Variants in CAMTA1 observed in about 807,000 individuals in gnomAD.
CAMTA1 encodes calmodulin-binding transcription activator 1.
A neutral mutation model predicts 170.9 loss-of-function variants in CAMTA1; 27 were observed. The observed-to-expected ratio is 0.16, with a 90% CI of 0.12 to 0.22. CAMTA1 has a LOEUF of 0.22. Among genes scored for constraint, CAMTA1 ranks in the 10% least tolerant of loss-of-function variants. The pLI, the probability that CAMTA1 is intolerant of heterozygous loss-of-function variation, is 1.00. For missense variants in CAMTA1, 1,619 were observed against 2,217.2 expected, an observed-to-expected ratio of 0.73 and a Z score of 5.42; for synonymous variants, 833 against 891.5, an observed-to-expected ratio of 0.93 and a Z score of 1.17.
intron 6 of CAMTA1, among the ~76,000 whole-genome samples, chr1:7,572,154 T>C (rs1239633398): frequency 1.3e-5 from 2 of 152,266 alleles, no homozygotes; most frequent in East Asian, 3.8e-4. Flanking sequence ...AAGTGTTTGT[T>C]CATGTCCTTT....
rs942163810 is a variant in CAMTA1 at position 7,641,461 on chromosome 1, G to A, written c.664+908G>A. 3.3e-5 allele frequency among the ~76,000 whole-genome samples: 5 copies of A among 152,276 alleles called. No individual in the cohort carries two copies. Among genetic ancestry groups the A allele is most frequent in the East Asian group, 3.9e-4 (2 of 5,164 alleles). Reference sequence around the variant, plus strand: ...TGTTGGTCACCATATACAGCGGGGGGACTGAAATATTCTTTCTGCGGCTGG... The same window carrying A: ...TGTTGGTCACCATATACAGCGGGGGAACTGAAATATTCTTTCTGCGGCTGG... On this transcript the variant is annotated intron_variant, in intron 7 of 22. Coordinates refer to ENST00000303635, the MANE Select transcript of CAMTA1 (RefSeq NM_015215.4). The surrounding 1 kb of genome is among the most constrained non-coding windows in gnomAD (Gnocchi z 4.5).
rs952061581 is a variant in CAMTA1 at position 7,456,397 on chromosome 1, G to A, written c.439-11433G>A. Reference sequence around the variant, plus strand: ...AGGGCTCCAAGAAATAGGTCTCAGCGGTACATTTTGATGAAAGAGAGGGAA... The same window carrying A: ...AGGGCTCCAAGAAATAGGTCTCAGCAGTACATTTTGATGAAAGAGAGGGAA... On this transcript the variant is annotated intron_variant, in intron 5 of 22. Transcript: ENST00000303635. This position sits in a 1 kb window ranked among gnomAD's most constrained non-coding sequence, Gnocchi z 4.9. Among the ~76,000 whole-genome samples, 9 of 152,108 alleles carry A rather than the reference G, an allele frequency of 5.9e-5. No homozygotes were observed. Among genetic ancestry groups the A allele is most frequent in the East Asian group, 3.9e-4 (2 of 5,194 alleles).
chr1:7,553,993 T>G (rs539993190), intron 6 of CAMTA1, among the ~76,000 whole-genome samples: 1 of 152,306 alleles, frequency 6.6e-6, no homozygotes, highest in East Asian at 1.9e-4. Flanking sequence ...GGCCACAAAG[T>G]GATGGGTTCT....
intron 3 of CAMTA1, among the ~76,000 whole-genome samples, chr1:6,863,599 C>T (rs114336773): frequency 2.6e-5 from 4 of 152,302 alleles, no homozygotes; most frequent in African/African-American, 9.6e-5. Flanking sequence ...GCCTCCCAGG[C>T]GATCAAGTCA....
chr1:7,395,582 C>T (rs2149163666), intron 5 of CAMTA1, among the ~76,000 whole-genome samples: 1 of 152,116 alleles, frequency 6.6e-6, no homozygotes, highest in East Asian at 1.9e-4. Context: ...ATATGAATTT[C>T]CTGATTGTTT....
chr1:7,230,098 G>T (rs372986488), intron 4 of CAMTA1, among the ~76,000 whole-genome samples: 1 of 152,092 alleles, frequency 6.6e-6, no homozygotes, highest in Admixed American at 6.5e-5. Flanking sequence ...CCAGAAAGCC[G>T]GTTCCTAGGG....
chr1:7,531,746 A>C (rs2094494821), intron 6 of CAMTA1, among the ~76,000 whole-genome samples: 1 of 152,202 alleles, frequency 6.6e-6, no homozygotes, highest in Admixed American at 6.5e-5. Flanking sequence ...AGAGCTTCTG[A>C]GAACAGCATC....
At chr1:7,432,411 A>G (rs1411799164) in intron 5 of CAMTA1, among the ~76,000 whole-genome samples, 1 of 152,202 alleles carries the variant, frequency 6.6e-6, no homozygotes, top group African/African-American at 2.4e-5. Flanking sequence ...GGTGTTTAAC[A>G]TAATTTAGAG....
chr1:7,630,438 C>T (rs1223990848), intron 6 of CAMTA1, among the ~76,000 whole-genome samples: 4 of 152,236 alleles, frequency 2.6e-5, no homozygotes, highest in African/African-American at 9.6e-5. Flanking sequence ...GCAGGGCAAG[C>T]CAGCCCCTGA....
chr1:6,906,215 TGAGGGAG>T (rs1215504052), intron 3 of CAMTA1, among the ~76,000 whole-genome samples: 8 of 152,108 alleles, frequency 5.3e-5, no homozygotes, highest in Admixed American at 5.2e-4. Flanking sequence ...CCTGGCAAGA[TGAGGGAG>T]GAGGGAGAAG....
At chr1:7,747,921 T>TA in intron 19 of CAMTA1, 140 bp downstream of exon 19, 9 of 432,710 alleles carry the variant, frequency 2.1e-5, no homozygotes, top group South Asian at 7.5e-5. Flanking sequence ...TTTTTTTTTA[T>TA]TTTTTTTTTG....
intron 3 of CAMTA1, among the ~76,000 whole-genome samples, chr1:6,902,072 C>CAAAAAA (rs1553180442): frequency 1.2e-3 from 108 of 88,438 alleles, no homozygotes; most frequent in South Asian, 1.7e-3. Context: ...CACACACACA[C>CAAAAAA]AAAAAAAAAA....
chr1:7,505,797 G>C (rs1328140814), intron 6 of CAMTA1, among the ~76,000 whole-genome samples: 1 of 152,196 alleles, frequency 6.6e-6, no homozygotes, highest in Non-Finnish European at 1.5e-5. Flanking sequence ...GTCTGGGACG[G>C]TCTTGGGTGT....
intron 3 of CAMTA1, among the ~76,000 whole-genome samples, chr1:6,836,055 C>T (rs1419513945): frequency 1.3e-5 from 2 of 152,152 alleles, no homozygotes; most frequent in East Asian, 3.8e-4. Context: ...GCCTACCTGC[C>T]TGTCTACCTG....
chr1:7,118,772 G>A (rs1644482875), intron 4 of CAMTA1, among the ~76,000 whole-genome samples: 1 of 152,112 alleles, frequency 6.6e-6, no homozygotes, highest in South Asian at 2.1e-4. Flanking sequence ...ATATGGTTTG[G>A]TGGCACCAGA....
In CAMTA1 at chr1:7,067,867, T is replaced by C. The variant is rs1301389820; in HGVS notation, c.235-23437T>C. Reference sequence around the variant, plus strand: ...GATTGGTTTAGGGGCGGCCTGTAACTCAGTTATTGCCAGTGAGATGGCTAG... The same window carrying C: ...GATTGGTTTAGGGGCGGCCTGTAACCCAGTTATTGCCAGTGAGATGGCTAG... On this transcript the variant is annotated intron_variant, in intron 3 of 22. Transcript: ENST00000303635. The surrounding 1 kb of genome is among the most constrained non-coding windows in gnomAD (Gnocchi z 4.3). Among the ~76,000 whole-genome samples the C allele has an allele frequency of 6.6e-6, 1 of 152,182 alleles. No individual in the cohort carries two copies. The highest frequency in any genetic ancestry group is 1.5e-5 in the Non-Finnish European group (1 of 68,040).
intron 3 of CAMTA1, among the ~76,000 whole-genome samples, chr1:7,048,957 T>C (rs1309126778): frequency 6.6e-6 from 1 of 152,204 alleles, no homozygotes; most frequent in Non-Finnish European, 1.5e-5. Context: ...TAGTTTAAAA[T>C]TAAACTTACA....
chr1:7,133,419 A>G (rs1645373251), intron 4 of CAMTA1, among the ~76,000 whole-genome samples: 1 of 152,192 alleles, frequency 6.6e-6, no homozygotes, highest in African/African-American at 2.4e-5. Flanking sequence ...TAACTGTAGA[A>G]TGTACTCCCT....
At chr1:7,395,185 T>C (rs1480351668) in intron 5 of CAMTA1, among the ~76,000 whole-genome samples, 1 of 152,222 alleles carries the variant, frequency 6.6e-6, no homozygotes, top group Non-Finnish European at 1.5e-5. Context: ...ACCTGGCCTC[T>C]TCTAGTAGTT....
Sources: allele counts gnomAD v4.1 joint callset (sites outside exome capture counted in the v4.1 genomes callset), GRCh38; gene constraint gnomAD v4.1.1; non-coding constraint Gnocchi (gnomAD v3.1); transcripts MANE v1.5; gene names NCBI Gene and HGNC (gene_info 2026-07-23, HGNC 2026-07-21).